CHD7: variants seen among roughly 807,000 people sequenced by gnomAD.
CHD7 encodes the protein ATP-dependent chromatin remodeler CHD7.
Under a neutral mutation model 307.3 loss-of-function variants are expected in CHD7, and 24 were observed. The observed-to-expected ratio is 0.08, with a 90% CI of 0.06 to 0.11. The LOEUF (loss-of-function observed/expected upper bound fraction) is 0.11, where lower values mean the gene tolerates loss of function less well. Ranked by LOEUF, CHD7 falls within the 10% of genes least tolerant of loss-of-function variation. The pLI is 1.00. For missense variants in CHD7, 3,106 were observed against 3,727.1 expected (o/e 0.83, Z 4.34); for synonymous variants, 1,363 against 1,349.9 (o/e 1.01, Z -0.21).
intron 1 of CHD7, among the ~76,000 whole-genome samples, chr8:60,733,438 G>A (rs1236406548): frequency 6.6e-6 from 1 of 152,156 alleles, no homozygotes; most frequent in Non-Finnish European, 1.5e-5. Context: ...AGACCCTGCT[G>A]GACATATTTT....
intron 8 of CHD7, among the ~76,000 whole-genome samples, chr8:60,816,947 T>C (rs562096909): frequency 5.3e-5 from 8 of 152,220 alleles, no homozygotes; most frequent in Non-Finnish European, 1.2e-4. Flanking sequence ...ACTAAACTCA[T>C]TTTCGCAAAT....
chr8:60,798,210 T>C (rs1464588688), intron 4 of CHD7, among the ~76,000 whole-genome samples: 1 of 152,246 alleles, frequency 6.6e-6, no homozygotes, highest in Non-Finnish European at 1.5e-5. Flanking sequence ...CTGGAATCTC[T>C]GTTTCCTCCA....
At chr8:60,690,491 T>A (rs1376208151) in intron 1 of CHD7, among the ~76,000 whole-genome samples, 9 of 152,098 alleles carry the variant, frequency 5.9e-5, no homozygotes, top group Admixed American at 5.2e-4. Flanking sequence ...ATAAAAAAAA[T>A]AAACATCTGG....
intron 3 of CHD7, among the ~76,000 whole-genome samples, chr8:60,786,777 A>G (rs750413405): frequency 3.3e-5 from 5 of 152,244 alleles, no homozygotes; most frequent in Non-Finnish European, 7.3e-5. Context: ...AAATAAGTCT[A>G]TATTTGTGAA....
At position 60,729,322 on chromosome 8, in the gene CHD7, C is replaced by G. The variant is rs569488259; in HGVS notation, c.-174-11937C>G. Among the ~76,000 whole-genome samples, 3 of 152,178 alleles carry G rather than the reference C, an allele frequency of 2.0e-5. No individual in the cohort carries two copies. In the South Asian group the frequency reaches 6.2e-4, roughly 32 times the overall value. On this transcript the variant is annotated intron_variant, in intron 1 of 37. Transcript: ENST00000423902. ...TGTGGTCTGTCAGAACATTTTTTGC[C>G]AAACCTTTATTTATATTCTTTAGGT...
chr8:60,762,810 A>G (rs1265451563), intron 2 of CHD7, among the ~76,000 whole-genome samples: 1 of 152,054 alleles, frequency 6.6e-6, no homozygotes, highest in East Asian at 1.9e-4. Flanking sequence ...TGCTTGTTGA[A>G]TGTGTGATAT....
intron 37 of CHD7, 58 bp from the exon 38 acceptor site, chr8:60,864,958 G>C: frequency 6.7e-7 from 1 of 1,492,564 alleles, no homozygotes; most frequent in Non-Finnish European, 9.1e-7. Context: ...GGCTCACATT[G>C]AGATCAAGTT....
rs1404167765 is a variant in CHD7 at position 60,771,702 on chromosome 8, C to G, written c.1666-9298C>G. ...TCTTGACTGGGGAGGAATCCATGTT[C>G]AGATTCATTCAGGTTGTCCACAGAA... On this transcript the variant is annotated intron_variant, in intron 2 of 37. Coordinates refer to ENST00000423902, the MANE Select transcript of CHD7 (RefSeq NM_017780.4). Among the ~76,000 whole-genome samples the G allele has an allele frequency of 3.5e-4, 13 of 37,268 alleles. No homozygotes were observed. The Admixed American group carries it at 4.0e-3, about 11-fold the overall frequency. 24.4% of individuals were successfully genotyped at this position (37,268 alleles called of 152,430 possible).
chr8:60,805,306 A>T (rs2150718009), intron 6 of CHD7, among the ~76,000 whole-genome samples: 1 of 152,356 alleles, frequency 6.6e-6, no homozygotes, highest in South Asian at 2.1e-4. Flanking sequence ...AGGAACGGTG[A>T]AAAACAGCTC....
chr8:60,735,637 A>G (rs1399878174), intron 1 of CHD7, among the ~76,000 whole-genome samples: 5 of 152,252 alleles, frequency 3.3e-5, no homozygotes, highest in African/African-American at 1.2e-4. Context: ...AATATGATAT[A>G]TGGAAAAAAT....
At chr8:60,720,552 T>A (rs549483364) in intron 1 of CHD7, among the ~76,000 whole-genome samples, 1 of 152,348 alleles carries the variant, frequency 6.6e-6, no homozygotes, top group African/African-American at 2.4e-5. Context: ...TTAAAGCCTG[T>A]CCTCTGCACC....
At chr8:60,862,457 A>G (rs1221999041) in intron 36 of CHD7, 91 bp from the exon 37 acceptor site, 3 of 1,458,780 alleles carry the variant, frequency 2.1e-6, no homozygotes, top group Middle Eastern at 1.7e-4. Flanking sequence ...GTGTGCGTGT[A>G]TGTGTGTATT....
At chr8:60,830,223 A>G (rs1190217259) in intron 14 of CHD7, 99 bp from the exon 15 acceptor site, 10 of 1,233,894 alleles carry the variant, frequency 8.1e-6, no homozygotes, top group Non-Finnish European at 1.1e-5. Flanking sequence ...ATGAAAATGG[A>G]TGTTTAATGA....
intron 1 of CHD7, among the ~76,000 whole-genome samples, chr8:60,730,777 G>A (rs533392892): frequency 2.0e-5 from 3 of 152,024 alleles, no homozygotes; most frequent in South Asian, 2.1e-4. Flanking sequence ...GGAGAATGGC[G>A]TGAACCCGGG....
chr8:60,691,412 A>G (rs1806189914), intron 1 of CHD7, among the ~76,000 whole-genome samples: 1 of 152,218 alleles, frequency 6.6e-6, no homozygotes, highest in African/African-American at 2.4e-5. Context: ...AAGGCATTAA[A>G]GCATTAATTC....
chr8:60,705,904 C>A (rs1014942516), intron 1 of CHD7, among the ~76,000 whole-genome samples: 1 of 152,112 alleles, frequency 6.6e-6, no homozygotes, highest in Non-Finnish European at 1.5e-5. Context: ...TTAATACATG[C>A]TGGCACAAAT....
At position 60,844,871 on chromosome 8, in the gene CHD7, C is replaced by T. The variant is rs986373484; in HGVS notation, c.4858C>T (p.Arg1620Trp). The T allele has an allele frequency of 6.3e-7, 1 of 1,593,406 alleles. No individual in the cohort carries two copies. The highest frequency in any genetic ancestry group is 8.6e-7 in the Non-Finnish European group (1 of 1,167,198). ...TGGATATTTGCTTTGCAGTTGGGGA[C>T]GGTGGACAGACATTCTTTCCCACGG... ...EKNLLVYGWG[R>W]WTDILSHGRY... is the part of the protein sequence containing the mutation. The change falls in exon 22 of 38, where the codon CGG becomes TGG. Residue 1620 changes from arginine (R) to tryptophan (W), a missense_variant. Around this residue, in one of 10 missense-constraint regions of CHD7, gnomAD observed 122 missense variants for 124.5 expected, o/e 0.98. Transcript: ENST00000423902.
chr8:60,814,028 C>T (rs1193633456), intron 7 of CHD7, among the ~76,000 whole-genome samples: 2 of 152,106 alleles, frequency 1.3e-5, no homozygotes, highest in African/African-American at 4.8e-5. Flanking sequence ...CAGATTATTT[C>T]TTATTAGCTT....
At chr8:60,719,068 A>G (rs1402930969) in intron 1 of CHD7, among the ~76,000 whole-genome samples, 1 of 152,238 alleles carries the variant, frequency 6.6e-6, no homozygotes, top group Non-Finnish European at 1.5e-5. Flanking sequence ...TTGCACAAAG[A>G]TAAAATCACT....
Sources: gnomAD v4.1 joint callset for allele counts (sites outside exome capture counted in the v4.1 genomes callset) on GRCh38, gnomAD v4.1.1 for gene constraint, gnomAD v4.1.1 regional missense constraint, MANE v1.5 for transcripts, NCBI Gene and HGNC (gene_info 2026-07-23, HGNC 2026-07-21) for gene names.